The following CADM2 variants were observed in gnomAD, a reference collection of about 807,000 sequenced individuals.
The protein encoded by CADM2 is immunoglobulin superfamily member 4D.
CADM2 carries 12 observed loss-of-function variants against 49.8 expected under a neutral mutation model. That is an observed-to-expected ratio of 0.24 (90% CI 0.15 to 0.39). The LOEUF (loss-of-function observed/expected upper bound fraction) is 0.39, where lower values mean the gene tolerates loss of function less well. CADM2 is among the 10% of genes least tolerant of loss of function. CADM2 has a pLI of 1.00. For synonymous variants in CADM2, 214 were observed against 175.4 expected (o/e 1.22, Z -1.74); for missense variants, 378 against 492.3 (o/e 0.77, Z 2.20).
intron 1 of CADM2, among the ~76,000 whole-genome samples, chr3:85,255,756 C>T (rs983327036): frequency 1.3e-5 from 2 of 151,986 alleles, no homozygotes; most frequent in Non-Finnish European, 2.9e-5. Flanking sequence ...ACTGTAAAAA[C>T]AAATCCTTAT....
At chr3:85,564,137 T>C (rs1483241579) in intron 1 of CADM2, among the ~76,000 whole-genome samples, 1 of 151,586 alleles carries the variant, frequency 6.6e-6, no homozygotes, top group Non-Finnish European at 1.5e-5. Flanking sequence ...ATGAGAAAAA[T>C]TTTGCAAGTA....
At chr3:85,018,412 C>G (rs1386121748) in intron 1 of CADM2, among the ~76,000 whole-genome samples, 2 of 152,156 alleles carry the variant, frequency 1.3e-5, no homozygotes, top group East Asian at 3.9e-4. Context: ...AAGTCTCACT[C>G]TGTTGCCCAG....
intron 7 of CADM2, among the ~76,000 whole-genome samples, chr3:85,941,867 T>C (rs1225731261): frequency 6.6e-6 from 1 of 152,096 alleles, no homozygotes; most frequent in Non-Finnish European, 1.5e-5. Context: ...AGACCTTGTT[T>C]TGGCATAGTT....
intron 1 of CADM2, among the ~76,000 whole-genome samples, chr3:85,016,898 G>A (rs2034273903): frequency 1.3e-5 from 2 of 152,132 alleles, no homozygotes; most frequent in South Asian, 4.1e-4. Context: ...GAGTAGGAAT[G>A]GAAGTAAATA....
intron 1 of CADM2, among the ~76,000 whole-genome samples, chr3:85,085,395 CT>C (rs2037328887): frequency 6.6e-6 from 1 of 151,826 alleles, no homozygotes; most frequent in Admixed American, 6.6e-5. Context: ...GTATTTTTTT[CT>C]TTTTTAAAGT....
At chr3:85,704,909 A>G (rs1030506432) in intron 1 of CADM2, among the ~76,000 whole-genome samples, 3 of 149,984 alleles carry the variant, frequency 2.0e-5, no homozygotes, top group Non-Finnish European at 4.4e-5. Context: ...TCCAGGCTGG[A>G]GTGCAGTGGC....
At chr3:86,060,526 A>T (rs1043194606) in intron 8 of CADM2, among the ~76,000 whole-genome samples, 2 of 152,182 alleles carry the variant, frequency 1.3e-5, no homozygotes, top group African/African-American at 2.4e-5. Context: ...GAAAAATGAG[A>T]AAAGAAAATA....
intron 3 of CADM2, among the ~76,000 whole-genome samples, chr3:85,810,924 C>T (rs893124603): frequency 2.0e-5 from 3 of 152,036 alleles, no homozygotes; most frequent in South Asian, 2.1e-4. Flanking sequence ...AGAAAATCTT[C>T]GGTTGTGGAT....
intron 1 of CADM2, among the ~76,000 whole-genome samples, chr3:85,065,279 TA>T (rs1278710718): frequency 6.6e-6 from 1 of 152,078 alleles, no homozygotes; most frequent in Non-Finnish European, 1.5e-5. Context: ...TATATTTTCT[TA>T]AAAAACAATT....
intron 1 of CADM2, among the ~76,000 whole-genome samples, chr3:84,970,726 A>G (rs935125092): frequency 1.3e-5 from 2 of 152,048 alleles, no homozygotes; most frequent in African/African-American, 2.4e-5. Context: ...ATTAAGAATT[A>G]TATTCTCTCA....
intron 1 of CADM2, among the ~76,000 whole-genome samples, chr3:85,589,557 A>G (rs2063046703): frequency 6.6e-6 from 1 of 151,972 alleles, no homozygotes; most frequent in Non-Finnish European, 1.5e-5. Context: ...CAGGCCTTAT[A>G]CTTGGCTGAA....
At chr3:85,504,909 G>A (rs1407936043) in intron 1 of CADM2, among the ~76,000 whole-genome samples, 1 of 152,124 alleles carries the variant, frequency 6.6e-6, no homozygotes, top group Non-Finnish European at 1.5e-5. Flanking sequence ...CTCCGCAGCC[G>A]CTGGCCCGGG....
chr3:85,786,288 T>G (rs1365732867), intron 2 of CADM2, among the ~76,000 whole-genome samples: 1 of 152,012 alleles, frequency 6.6e-6, no homozygotes, highest in Non-Finnish European at 1.5e-5. Flanking sequence ...AAGTATTAAT[T>G]CTCAGTTTGC....
At chr3:85,296,644 C>A (rs1340110160) in intron 1 of CADM2, among the ~76,000 whole-genome samples, 1 of 152,012 alleles carries the variant, frequency 6.6e-6, no homozygotes, top group African/African-American at 2.4e-5. Context: ...ATTCTTCATT[C>A]CTACAGAATA....
At chr3:85,231,620 T>G (rs2042290507) in intron 1 of CADM2, among the ~76,000 whole-genome samples, 1 of 151,424 alleles carries the variant, frequency 6.6e-6, no homozygotes. Flanking sequence ...ATAAAAGAGA[T>G]ATAGATGGAT....
At chr3:85,431,848 T>C (rs186399072) in intron 1 of CADM2, among the ~76,000 whole-genome samples, 1 of 129,484 alleles carries the variant, frequency 7.7e-6, no homozygotes, top group East Asian at 2.1e-4. Flanking sequence ...ACCATGGTCT[T>C]ATGCTTAATT....
chr3:85,959,580 G>C (rs1444398917), intron 7 of CADM2, among the ~76,000 whole-genome samples: 1 of 151,854 alleles, frequency 6.6e-6, no homozygotes, highest in East Asian at 2.0e-4. Context: ...CTCTGTGTCA[G>C]AGTCTACTAT....
chr3:85,793,239 G>A (rs1312549953), intron 2 of CADM2, among the ~76,000 whole-genome samples: 1 of 152,032 alleles, frequency 6.6e-6, no homozygotes, highest in Non-Finnish European at 1.5e-5. Flanking sequence ...GTATTTCATG[G>A]CAATAAATTA....
intron 1 of CADM2, among the ~76,000 whole-genome samples, chr3:85,554,867 AT>A (rs199744186): frequency 6.5e-5 from 6 of 91,880 alleles, no homozygotes; most frequent in Admixed American, 2.4e-4. Context: ...ATTTGACTTT[AT>A]TTTTTTTATT....
Sources: gnomAD v4.1 joint callset for allele counts (sites outside exome capture counted in the v4.1 genomes callset) on GRCh38, gnomAD v4.1.1 for gene constraint, MANE v1.5 for transcripts, NCBI Gene and HGNC (gene_info 2026-07-23, HGNC 2026-07-21) for gene names.